Variants in TRMT11 observed in about 807,000 individuals in gnomAD.
TRMT11 encodes tRNA (guanine(10)-N(2))-methyltransferase TRMT11.
A neutral mutation model predicts 62.8 loss-of-function variants in TRMT11; 53 were observed. The ratio of observed to expected loss-of-function variants is 0.84; its 90% CI spans 0.68 to 1.06. The LOEUF is 1.06. TRMT11 is among the 50% of genes least tolerant of loss of function. The pLI is 0.00. For synonymous variants in TRMT11, 188 were observed against 190.3 expected (o/e 0.99, Z 0.10); for missense variants, 556 against 553.4 (o/e 1.00, Z -0.05).
At chr6:126,098,693 G>A (rs986567029) in intron 17 of TRMT11, among the ~76,000 whole-genome samples, 6 of 152,212 alleles carry the variant, frequency 3.9e-5, no homozygotes, top group African/African-American at 1.4e-4. Flanking sequence ...GGAGAAGAGT[G>A]TAGTTAGTAG....
At chr6:126,182,023 A>G (rs1004672708) in intron 1 of TRMT11, among the ~76,000 whole-genome samples, 1 of 152,228 alleles carries the variant, frequency 6.6e-6, no homozygotes, top group Non-Finnish European at 1.5e-5. Context: ...TCTACTATCA[A>G]TGATTTTACA....
Position 126,059,732 on chromosome 6 carries a change from A to T in TRMT11, c.*1437+6542A>T, listed in dbSNP as rs150160653. Among the ~76,000 whole-genome samples the T allele has an allele frequency of 9.2e-5, 14 of 152,292 alleles. No individual in the cohort carries two copies. The East Asian group carries it at 2.3e-3, about 25-fold the overall frequency. ...TGGGATTTGAACCTATATCTGACTG[A>T]TGAGATCTGTGCTTCTGACCGTTTT... On this transcript the variant is annotated intron_variant and NMD_transcript_variant, in intron 17 of 22. Coordinates refer to the TRMT11 transcript ENST00000648977.
chr6:126,228,546 A>C, the TRMT11 span, among the ~76,000 whole-genome samples: 11 of 152,216 alleles, frequency 7.2e-5, no homozygotes, highest in East Asian at 3.9e-4. Context: ...GATCCTCCTC[A>C]GGTGCTCATG....
At chr6:126,003,962 T>C (rs976306109) in intron 7 of TRMT11, among the ~76,000 whole-genome samples, 1 of 152,094 alleles carries the variant, frequency 6.6e-6, no homozygotes, top group African/African-American at 2.4e-5. Context: ...TCTTTTTAGA[T>C]CTCTGGTTCA....
intron 21 of TRMT11, among the ~76,000 whole-genome samples, chr6:126,131,902 A>G (rs1469355139): frequency 1.3e-5 from 2 of 152,090 alleles, no homozygotes; most frequent in South Asian, 2.1e-4. Context: ...CCTTGCTGGC[A>G]TAGTAACTAG....
chr6:126,012,255 A>G (rs913362517), intron 9 of TRMT11, among the ~76,000 whole-genome samples: 2 of 152,172 alleles, frequency 1.3e-5, no homozygotes, highest in Admixed American at 1.3e-4. Flanking sequence ...TTACTTATAT[A>G]AAATACATTT....
intron 1 of TRMT11, among the ~76,000 whole-genome samples, chr6:126,190,676 G>A (rs755697631): frequency 1.3e-5 from 2 of 152,096 alleles, no homozygotes; most frequent in Non-Finnish European, 2.9e-5. Flanking sequence ...TCCCACCTAT[G>A]AGTGAGAACA....
chr6:126,091,768 AG>A (rs1290097547), intron 17 of TRMT11, among the ~76,000 whole-genome samples: 2 of 152,190 alleles, frequency 1.3e-5, no homozygotes, highest in Admixed American at 1.3e-4. Context: ...ACATTGAAAT[AG>A]TAAAACTCCA....
chr6:126,188,217 A>C (rs1213475629), intron 1 of TRMT11, among the ~76,000 whole-genome samples: 1 of 152,054 alleles, frequency 6.6e-6, no homozygotes, highest in African/African-American at 2.4e-5. Flanking sequence ...GAATTGGGAG[A>C]AAATATTCAC....
chr6:126,214,684 G>A, the TRMT11 span, among the ~76,000 whole-genome samples: 1 of 151,690 alleles, frequency 6.6e-6, no homozygotes, highest in African/African-American at 2.4e-5. Flanking sequence ...AAACCAGCTT[G>A]TTGTTTCTTT....
intron 21 of TRMT11, among the ~76,000 whole-genome samples, chr6:126,151,969 C>CTTTTT (rs1562335032): frequency 3.8e-5 from 3 of 79,940 alleles, no homozygotes; most frequent in African/African-American, 5.4e-5. Context: ...TTCTTTCTTT[C>CTTTTT]CTCTCTCTCT....
intron 11 of TRMT11, among the ~76,000 whole-genome samples, chr6:126,019,546 AAGTC>A (rs1228609960): frequency 6.6e-6 from 1 of 152,320 alleles, no homozygotes; most frequent in African/African-American, 2.4e-5. Flanking sequence ...AAAATACTTT[AAGTC>A]AGTCCACCAG....
chr6:126,229,699 T>C, the TRMT11 span, among the ~76,000 whole-genome samples: 3 of 152,288 alleles, frequency 2.0e-5, no homozygotes, highest in South Asian at 2.1e-4. Context: ...ATCCTGTGGG[T>C]TGAAGGGCAC....
chr6:126,197,505 G>A (rs1436443976), intron 1 of TRMT11, among the ~76,000 whole-genome samples: 1 of 152,058 alleles, frequency 6.6e-6, no homozygotes, highest in Non-Finnish European at 1.5e-5. Flanking sequence ...CATTTTAAAA[G>A]CTACATACTA....
chr6:126,113,951 G>A (rs910035102), intron 18 of TRMT11, among the ~76,000 whole-genome samples: 1 of 152,056 alleles, frequency 6.6e-6, no homozygotes, highest in Admixed American at 6.6e-5. Context: ...TCCATGGATC[G>A]CACTTTAAGG....
rs759306454 is a variant in TRMT11 at position 126,021,289 on chromosome 6, C to T, written c.1260+9C>T. 5 of 1,612,714 alleles carry T rather than the reference C, an allele frequency of 3.1e-6. No homozygotes were observed. The Admixed American group carries it at 6.7e-5, about 22-fold the overall frequency. On this transcript the variant is annotated intron_variant, in intron 12 of 12. Transcript: ENST00000334379. ...AGGTGAAGAAATTTGAGGTAAATTG[C>T]TTCAGTATTTTTGGGATAAATTCTG...
At chr6:126,106,020 A>G (rs1777460572) in intron 17 of TRMT11, among the ~76,000 whole-genome samples, 1 of 152,164 alleles carries the variant, frequency 6.6e-6, no homozygotes, top group East Asian at 1.9e-4. Context: ...TCAATACATA[A>G]TTGTTTGATA....
chr6:126,152,989 C>T (rs534406749), intron 21 of TRMT11, among the ~76,000 whole-genome samples: 91 of 152,276 alleles, frequency 6.0e-4, no homozygotes, highest in Middle Eastern at 3.4e-3. Context: ...ATTTCTTACA[C>T]GCTCAGATAC....
At chr6:126,068,860 TCTTA>T (rs1465520389) in intron 17 of TRMT11, among the ~76,000 whole-genome samples, 2 of 152,226 alleles carry the variant, frequency 1.3e-5, no homozygotes, top group African/African-American at 4.8e-5. Context: ...GATTATTTCT[TCTTA>T]CTTAGTGAGT....
Sources: allele counts gnomAD v4.1 joint callset (sites outside exome capture counted in the v4.1 genomes callset), GRCh38; gene constraint gnomAD v4.1.1; transcripts MANE v1.5; gene names NCBI Gene and HGNC (gene_info 2026-07-23, HGNC 2026-07-21).